Variants in TGM5 observed in about 807,000 individuals in gnomAD.
The protein encoded by TGM5 is transglutaminase 5.
In TGM5, 69 loss-of-function variants were observed where a neutral mutation model predicts 77.2. The observed-to-expected ratio is 0.89, with a 90% CI of 0.74 to 1.09. TGM5 has a LOEUF of 1.09. Ranked by LOEUF, TGM5 falls within the 50% of genes least tolerant of loss-of-function variation. The pLI is 0.00. For missense variants in TGM5, 842 were observed against 896.5 expected (o/e 0.94, Z 0.78); for synonymous variants, 346 against 351.8 (o/e 0.98, Z 0.18).
rs1167649273 is a variant in TGM5 at position 43,253,685 on chromosome 15, G to A, written c.556-51C>T. ...AGGCACCCATGCTTGTCACGTGGGA[G>A]TATGTAAAAAGTAATGACTTCCCCC... On this transcript the variant is annotated intron_variant, in intron 4 of 12. Coordinates refer to ENST00000220420, the MANE Select transcript of TGM5 (RefSeq NM_201631.4). 1.9e-6 allele frequency: 3 copies of A among 1,604,590 alleles called. No homozygotes were observed. In the East Asian group the frequency reaches 6.7e-5, roughly 36 times the overall value.
At position 43,244,199 on chromosome 15, in the gene TGM5, C is replaced by G. The variant is rs80171626; in HGVS notation, c.863-3209G>C. Reference sequence around the variant, plus strand: ...ACACATTTCAGCACTGGATTCGGCTCTCTGTAATTTAATGTGTCTGTCTTA... The same window carrying G: ...ACACATTTCAGCACTGGATTCGGCTGTCTGTAATTTAATGTGTCTGTCTTA... On this transcript the variant is annotated intron_variant, in intron 6 of 12. Coordinates refer to ENST00000220420, the MANE Select transcript of TGM5 (RefSeq NM_201631.4). Among the ~76,000 whole-genome samples the G allele has an allele frequency of 8.6e-3, 1,305 of 152,316 alleles. 18 individuals are homozygous for G. Among genetic ancestry groups the G allele is most frequent in the African/African-American group, 0.03 (1,236 of 41,554 alleles).
intron 3 of TGM5, among the ~76,000 whole-genome samples, chr15:43,259,495 T>G (rs909407756): frequency 6.6e-6 from 1 of 150,788 alleles, no homozygotes; most frequent in Non-Finnish European, 1.5e-5. Flanking sequence ...TTACATAATC[T>G]CACTTACGGT....
At chr15:43,236,788 G>C (rs551338981) in intron 9 of TGM5, among the ~76,000 whole-genome samples, 2 of 152,144 alleles carry the variant, frequency 1.3e-5, no homozygotes, top group East Asian at 3.9e-4. Flanking sequence ...CCAACATGGT[G>C]AAACCCTGTT....
At chr15:43,247,511 C>T (rs1383948185) in intron 6 of TGM5, among the ~76,000 whole-genome samples, 1 of 150,810 alleles carries the variant, frequency 6.6e-6, no homozygotes, top group Non-Finnish European at 1.5e-5. Flanking sequence ...TTTTAAAAAG[C>T]TGACCTCAAA....
Position 43,256,695 on chromosome 15 carries a change from C to G in TGM5, c.437-9G>C, listed in dbSNP as rs753585732. 22 of 1,591,210 alleles carry G rather than the reference C, an allele frequency of 1.4e-5. No homozygotes were observed. The highest frequency in any genetic ancestry group is 1.8e-5 in the Non-Finnish European group (21 of 1,159,432). Reference sequence around the variant, plus strand: ...CAAGTAGACAGCATCCTCTAGGAACCAGAGTGGGAGGGCACGAAGCAGAAA... The same window carrying G: ...CAAGTAGACAGCATCCTCTAGGAACGAGAGTGGGAGGGCACGAAGCAGAAA... On this transcript the variant is annotated splice_polypyrimidine_tract_variant and intron_variant, in intron 3 of 12. Transcript: ENST00000220420.
chr15:43,261,833 C>T (rs946083488), intron 1 of TGM5, among the ~76,000 whole-genome samples: 1 of 152,186 alleles, frequency 6.6e-6, no homozygotes, highest in African/African-American at 2.4e-5. Flanking sequence ...GTATCTCTCC[C>T]CATCTCCCAT....
intron 4 of TGM5, 25 bp downstream of exon 4, chr15:43,256,543 G>A: frequency 6.3e-7 from 1 of 1,575,644 alleles, no homozygotes; most frequent in East Asian, 2.2e-5. Flanking sequence ...GGCCGGGATG[G>A]GCCATAAGCA....
rs950819969 is a variant in TGM5 at position 43,232,974 on chromosome 15, G to C, written c.*217C>G. 1.7e-6 allele frequency: 1 copy of C among 603,656 alleles called. No individual in the cohort carries two copies. The highest frequency in any genetic ancestry group is 2.9e-6 in the Non-Finnish European group (1 of 345,222). 37.4% of individuals were successfully genotyped at this position (603,656 alleles called of 1,614,324 possible). A position where few individuals can be genotyped will look rare whatever the true frequency, so the allele number is the denominator to read the frequency against. ...TAGCATATGCCAGAAATGGTTCTGA[G>C]TATAGGGGTAGTAAACAAAGCAAAG... On this transcript the variant is annotated 3_prime_UTR_variant, in exon 13 of 13. Transcript: ENST00000220420.
chr15:43,238,749 G>A (rs1172412063), intron 9 of TGM5, 68 bp downstream of exon 9: 6 of 1,591,916 alleles, frequency 3.8e-6, no homozygotes, highest in South Asian at 1.1e-5. Flanking sequence ...GATGCTCTCT[G>A]GCTCCCTGGG....
At chr15:43,255,875 A>G (rs1451613109) in intron 4 of TGM5, among the ~76,000 whole-genome samples, 2 of 152,242 alleles carry the variant, frequency 1.3e-5, no homozygotes, top group Non-Finnish European at 2.9e-5. Context: ...ATTTTTACGT[A>G]TAAAGTAGCG....
chr15:43,261,082 T>TTTTTTTTG (rs2042784822), intron 1 of TGM5, among the ~76,000 whole-genome samples: 1 of 102,524 alleles, frequency 9.8e-6, no homozygotes, highest in Admixed American at 1.0e-4. Context: ...GTGTGTTTTT[T>TTTTTTTTG]TTTTTTTTTT....
intron 6 of TGM5, among the ~76,000 whole-genome samples, chr15:43,243,373 T>C (rs2142364100): frequency 6.6e-6 from 1 of 152,342 alleles, no homozygotes; most frequent in African/African-American, 2.4e-5. Flanking sequence ...GGATATGCTT[T>C]GGGTACCAAG....
chr15:43,261,060 C>CTTTTTTTTTTTTTTTTT (rs199676346), intron 1 of TGM5, among the ~76,000 whole-genome samples: 4 of 90,620 alleles, frequency 4.4e-5, no homozygotes, highest in African/African-American at 1.3e-4. Context: ...GCTGCTCTTC[C>CTTTTTTTTTTTTTTTTT]TTTTTTTGTG....
At position 43,260,146 on chromosome 15, in the gene TGM5, C is replaced by G; in HGVS notation, c.342G>C (p.Arg114=). Residue 114 remains arginine, a synonymous_variant, in exon 3 of 13, where the codon CGG becomes CGC. Transcript: ENST00000220420. The part of the protein sequence containing the change: ...LCAPPTAAVG[R]YLLKIHIDSF... ...AGTCGATGTGGATTTTCAAGAGGTA[C>G]CGACCCACGGCCGCCGTGGGAGGAG... is the stretch of plus-strand genomic sequence containing the variant. 1 of 1,614,164 alleles carries G rather than the reference C, an allele frequency of 6.2e-7. No individual in the cohort carries two copies. Among genetic ancestry groups the G allele is most frequent in the Non-Finnish European group, 8.5e-7 (1 of 1,180,034 alleles).
chr15:43,240,788 C>T, intron 7 of TGM5, 64 bp downstream of exon 7: 2 of 1,608,540 alleles, frequency 1.2e-6, no homozygotes, highest in Non-Finnish European at 1.7e-6. Flanking sequence ...TCTGCCCTTC[C>T]TCCTGCCATG....
At chr15:43,259,920 G>A (rs2042771842) in intron 3 of TGM5, 132 bp downstream of exon 3, 9 of 1,271,052 alleles carry the variant, frequency 7.1e-6, no homozygotes. Context: ...GGTAGTTGGG[G>A]CGGATGCTGA....
intron 1 of TGM5, among the ~76,000 whole-genome samples, chr15:43,264,570 CAT>C (rs968993118): frequency 2.6e-5 from 4 of 152,046 alleles, no homozygotes; most frequent in African/African-American, 9.7e-5. Flanking sequence ...TAGGCAAATT[CAT>C]AGAGACAGAA....
At position 43,261,060 on chromosome 15, in the gene TGM5, C is replaced by CTTTTTTTT. The variant is rs199676346; in HGVS notation, c.11-482_11-481insAAAAAAAA. ...TAACTCCTTGGGCTAGCTGCTCTTCCTTTTTTTGTGTGTGTGTTTTTTTTT... is the reference window on the plus strand; with the variant it reads ...TAACTCCTTGGGCTAGCTGCTCTTCCTTTTTTTTTTTTTTTGTGTGTGTGTTTTTTTTT... On this transcript the variant is annotated intron_variant, in intron 1 of 12. Transcript: ENST00000220420. Among the ~76,000 whole-genome samples, 28 of 90,598 alleles carry CTTTTTTTT rather than the reference C, an allele frequency of 3.1e-4. 4 individuals carry two copies. Among genetic ancestry groups the CTTTTTTTT allele is most frequent in the South Asian group, 1.2e-3 (3 of 2,550 alleles). 59.4% of individuals were successfully genotyped at this position (90,598 alleles called of 152,430 possible).
chr15:43,250,272 T>TGA lies in TGM5; in HGVS notation c.862+2486_862+2487insTC, dbSNP rs2042695310. 2.6e-5 allele frequency among the ~76,000 whole-genome samples: 4 copies of TGA among 152,204 alleles called. No homozygotes were observed. The South Asian group carries it at 6.2e-4, about 24-fold the overall frequency. On this transcript the variant is annotated intron_variant, in intron 6 of 12. Transcript: ENST00000220420. ...TAACTGATGCTTCCTGAACACTCAC[T>TGA]ATAGCCAGGCACTATTCTAAGCACT...
Sources: allele counts gnomAD v4.1 joint callset (sites outside exome capture counted in the v4.1 genomes callset), GRCh38; gene constraint gnomAD v4.1.1; transcripts MANE v1.5; gene names NCBI Gene and HGNC (gene_info 2026-07-23, HGNC 2026-07-21).